CCNY: variants seen among roughly 807,000 people sequenced by gnomAD.
CCNY encodes the protein cyclin Y.
In CCNY, 19 loss-of-function variants were observed where a neutral mutation model predicts 42.8. That is an observed-to-expected ratio of 0.44 (90% CI 0.31 to 0.65). The LOEUF (loss-of-function observed/expected upper bound fraction) is 0.65. Among genes scored for constraint, CCNY ranks in the 30% least tolerant of loss-of-function variants. The pLI is 0.07. For synonymous variants in CCNY, 165 were observed against 162.7 expected, an observed-to-expected ratio of 1.01 and a Z score of -0.11; for missense variants, 370 against 437.3, an observed-to-expected ratio of 0.85 and a Z score of 1.37.
intron 3 of CCNY, among the ~76,000 whole-genome samples, chr10:35,291,172 A>T (rs947703305): frequency 4.6e-5 from 7 of 151,660 alleles, no homozygotes; most frequent in African/African-American, 1.7e-4. Flanking sequence ...CGCCCAGCTA[A>T]TTTTTTGTAT....
chr10:35,318,629 T>C (rs1835787391), intron 3 of CCNY, among the ~76,000 whole-genome samples: 1 of 152,192 alleles, frequency 6.6e-6, no homozygotes, highest in South Asian at 2.1e-4. Flanking sequence ...TCTGACTATA[T>C]GTTTCCCTTT....
intron 2 of CCNY, among the ~76,000 whole-genome samples, chr10:35,249,029 C>T (rs1016307489): frequency 6.6e-6 from 1 of 152,110 alleles, no homozygotes; most frequent in Non-Finnish European, 1.5e-5. Context: ...CTCACTGCAA[C>T]CTCCGCCTCG....
rs115960182 is a variant in CCNY, at chr10:35,532,229, T to C, written c.579+1986T>C. On this transcript the variant is annotated intron_variant, in intron 7 of 9. Coordinates refer to ENST00000374704, the MANE Select transcript of CCNY (RefSeq NM_145012.6). ...GCCTTGAGCAAGACTCTTGTAGGATTGTTCTTCCCTCCTCGTGTTCCCTAG... is the reference window on the plus strand; with the variant it reads ...GCCTTGAGCAAGACTCTTGTAGGATCGTTCTTCCCTCCTCGTGTTCCCTAG... 6.8e-3 allele frequency among the ~76,000 whole-genome samples: 1,032 copies of C among 152,362 alleles called. 10 individuals carry two copies. Among genetic ancestry groups the C allele is most frequent in the African/African-American group, 0.024 (986 of 41,592 alleles).
chr10:35,314,601 A>C (rs1835731713), intron 3 of CCNY: 1 of 152,150 alleles, frequency 6.6e-6, no homozygotes, highest in African/African-American at 2.4e-5. Flanking sequence ...AATTTATCAT[A>C]ACCTTTTCTT....
At chr10:35,271,488 A>G (rs1175401173) in intron 3 of CCNY, among the ~76,000 whole-genome samples, 1 of 152,194 alleles carries the variant, frequency 6.6e-6, no homozygotes, top group East Asian at 1.9e-4. Flanking sequence ...GAAAGTCTCC[A>G]TTCTGAAATA....
At chr10:35,474,394 C>T (rs1217429604) in intron 1 of CCNY, among the ~76,000 whole-genome samples, 3 of 152,202 alleles carry the variant, frequency 2.0e-5, no homozygotes, top group Non-Finnish European at 4.4e-5. Flanking sequence ...CTTAAATGTC[C>T]CTGTCTGACA....
chr10:35,400,586 A>G (rs2135228121), intron 1 of CCNY, among the ~76,000 whole-genome samples: 1 of 152,348 alleles, frequency 6.6e-6, no homozygotes, highest in African/African-American at 2.4e-5. Context: ...CTAACCTCCC[A>G]ACTAAAAGAA....
At chr10:35,406,865 C>G (rs569178927) in intron 1 of CCNY, among the ~76,000 whole-genome samples, 10 of 151,916 alleles carry the variant, frequency 6.6e-5, no homozygotes, top group Middle Eastern at 3.4e-3. Context: ...GGGGCTGACC[C>G]CCCCCCACCT....
At chr10:35,484,460 G>C (rs1262141824) in intron 2 of CCNY, among the ~76,000 whole-genome samples, 1 of 152,120 alleles carries the variant, frequency 6.6e-6, no homozygotes, top group Non-Finnish European at 1.5e-5. Flanking sequence ...TTTATGAAAA[G>C]TAAACGTTTC....
At chr10:35,496,561 T>G (rs536940501) in intron 2 of CCNY, among the ~76,000 whole-genome samples, 3 of 152,156 alleles carry the variant, frequency 2.0e-5, no homozygotes, top group Non-Finnish European at 2.9e-5. Context: ...TCAGGTGCGG[T>G]GGCTCATACC....
upstream of CCNY, among the ~76,000 whole-genome samples, chr10:35,332,955 A>G (rs1481067076): frequency 6.6e-6 from 1 of 152,138 alleles, no homozygotes; most frequent in African/African-American, 2.4e-5. Context: ...TTCAACAGTG[A>G]TCATGGAGAA....
Position 35,336,702 on chromosome 10 carries a change from G to A in CCNY, c.-352G>A, listed in dbSNP as rs1276422446. On this transcript the variant is annotated 5_prime_UTR_variant, in exon 1 of 10. Transcript: ENST00000374704. ...AAGCGGACACCAACTGGGGAAGCGC[G>A]GGGGGGAGGCGGCCTGCGCGGCGCC... Among the ~76,000 whole-genome samples the A allele has an allele frequency of 6.8e-6, 1 of 146,796 alleles. No homozygotes were observed. Among genetic ancestry groups the A allele is most frequent in the Non-Finnish European group, 1.5e-5 (1 of 65,778 alleles).
At chr10:35,298,432 G>A (rs1183534886) in intron 3 of CCNY, among the ~76,000 whole-genome samples, 1 of 152,108 alleles carries the variant, frequency 6.6e-6, no homozygotes, top group African/African-American at 2.4e-5. Context: ...TTTATGTCTG[G>A]CCTTTCAGCA....
chr10:35,542,526 T>C (rs1319579364), intron 7 of CCNY, among the ~76,000 whole-genome samples: 1 of 152,172 alleles, frequency 6.6e-6, no homozygotes, highest in Non-Finnish European at 1.5e-5. Context: ...GTGTTCCACC[T>C]CCCTAGGTGA....
chr10:35,275,885 G>A (rs1024223490), intron 3 of CCNY, among the ~76,000 whole-genome samples: 7 of 152,212 alleles, frequency 4.6e-5, no homozygotes, highest in Admixed American at 2.0e-4. Flanking sequence ...AGCCACCGCC[G>A]GTTTAGCAGG....
intron 1 of CCNY, among the ~76,000 whole-genome samples, chr10:35,476,510 C>A (rs1387665385): frequency 1.3e-5 from 2 of 152,090 alleles, no homozygotes; most frequent in Non-Finnish European, 2.9e-5. Flanking sequence ...TACATGGAAA[C>A]TGAACAACCT....
chr10:35,411,593 C>CA (rs1438334216), intron 1 of CCNY, among the ~76,000 whole-genome samples: 1 of 143,934 alleles, frequency 6.9e-6, no homozygotes, highest in Non-Finnish European at 1.5e-5. Context: ...CTCTACAATA[C>CA]AATACCTTCT....
chr10:35,325,721 G>A (rs1177949824), intron 3 of CCNY, among the ~76,000 whole-genome samples: 1 of 151,976 alleles, frequency 6.6e-6, no homozygotes, highest in Non-Finnish European at 1.5e-5. Context: ...CACCCGCCTC[G>A]GCCTCCCAAA....
chr10:35,437,215 TCA>T (rs1260837953), intron 1 of CCNY, among the ~76,000 whole-genome samples: 1 of 152,202 alleles, frequency 6.6e-6, no homozygotes, highest in Non-Finnish European at 1.5e-5. Context: ...CCAAATCATA[TCA>T]GTGTCACTTG....
Sources: allele counts gnomAD v4.1 joint callset (sites outside exome capture counted in the v4.1 genomes callset), GRCh38; gene constraint gnomAD v4.1.1; transcripts MANE v1.5; gene names NCBI Gene and HGNC (gene_info 2026-07-23, HGNC 2026-07-21).